The following EMX1 variants were observed in gnomAD, a reference collection of about 807,000 sequenced individuals.
EMX1 encodes the protein homeobox protein EMX1.
In EMX1, 10 loss-of-function variants were observed where a neutral mutation model predicts 20.1. The ratio of observed to expected loss-of-function variants is 0.50; its 90% CI spans 0.31 to 0.84. The LOEUF is 0.84. EMX1 is among the 40% of genes least tolerant of loss of function. EMX1 has a pLI of 0.05. For missense variants in EMX1, 424 were observed against 431.9 expected, an observed-to-expected ratio of 0.98 and a Z score of 0.16; for synonymous variants, 250 against 200.4, an observed-to-expected ratio of 1.25 and a Z score of -2.09.
chr2:72,921,435 GA>G (rs1432845259), intron 1 of EMX1, among the ~76,000 whole-genome samples: 1 of 152,178 alleles, frequency 6.6e-6, no homozygotes, highest in Admixed American at 6.5e-5. Context: ...AAGGGAAACT[GA>G]ACCCCTGGTA....
At position 72,918,117 on chromosome 2, in the gene EMX1, A is replaced by G. The variant is rs1198004251; in HGVS notation, c.265A>G (p.Ser89Gly). The change falls in exon 1 of 3, where the codon AGC becomes GGC. Residue 89 changes from serine to glycine, a missense_variant. By Grantham distance (56) the Ser-to-Gly change is moderately conservative (BLOSUM62 0). Coordinates refer to ENST00000258106, the MANE Select transcript of EMX1 (RefSeq NM_004097.3). ...CACGGCGCTCAACTACCCTCACCCC[A>G]GCGCGGCCGAGGCGGCCTTCGTGAG... ...RPTALNYPHP[S>G]AAEAAFVSGF... 1 of 1,478,602 alleles carries G rather than the reference A, an allele frequency of 6.8e-7. No homozygotes were observed. The highest frequency in any genetic ancestry group is 8.9e-7 in the Non-Finnish European group (1 of 1,125,824). The allele number at this position is 1,478,602 out of a possible 1,614,324, so 91.6% of individuals were successfully genotyped here.
At chr2:72,925,520 C>T (rs766802519) in intron 2 of EMX1, 1 of 1,288,690 alleles carries the variant, frequency 7.8e-7, no homozygotes, top group Non-Finnish European at 1.0e-6. Flanking sequence ...GCGTGCCGGC[C>T]GGCTCCCAGA....
chr2:72,928,092 G>C (rs1343216354), intron 2 of EMX1, among the ~76,000 whole-genome samples: 1 of 152,220 alleles, frequency 6.6e-6, no homozygotes, highest in African/African-American at 2.4e-5. Flanking sequence ...GGCAACCTGG[G>C]TGACTCTGTG....
rs1311843510 is a variant in EMX1, at chr2:72,931,373, G to A, written c.706-2414G>A. On this transcript the variant is annotated intron_variant, in intron 2 of 2. Coordinates refer to ENST00000258106, the MANE Select transcript of EMX1 (RefSeq NM_004097.3). ...TGTGGAAAGAGGAAGGTACAGAAAA[G>A]GGCCCCCGGTCCCTGGTACTGCCCG... Among the ~76,000 whole-genome samples, 6 of 152,352 alleles carry A rather than the reference G, an allele frequency of 3.9e-5. No individual in the cohort carries two copies. In the East Asian group the frequency reaches 1.2e-3, roughly 29 times the overall value.
intron 1 of EMX1, among the ~76,000 whole-genome samples, chr2:72,922,005 A>G (rs1671111918): frequency 6.6e-6 from 1 of 152,234 alleles, no homozygotes; most frequent in Admixed American, 6.5e-5. Context: ...CAGACTGCAG[A>G]CCTGCTTCCT....
chr2:72,916,661 G>A, upstream of EMX1: 1 of 713,588 alleles, frequency 1.4e-6, no homozygotes, highest in Non-Finnish European at 2.6e-6. Context: ...TGCGTGTCCT[G>A]ACGGCTGGCG....
At chr2:72,932,204 G>A (rs1671297901) in intron 2 of EMX1, among the ~76,000 whole-genome samples, 1 of 152,188 alleles carries the variant, frequency 6.6e-6, no homozygotes, top group African/African-American at 2.4e-5. Flanking sequence ...ACTCTGCCAC[G>A]CAGCACCGTC....
At chr2:72,924,005 G>A in intron 1 of EMX1, 2 of 524,564 alleles carry the variant, frequency 3.8e-6, no homozygotes, top group African/African-American at 2.2e-5. Context: ...GTGAATGTGG[G>A]TCCACGCCTC....
upstream of EMX1, chr2:72,916,639 T>G: frequency 1.4e-6 from 1 of 699,048 alleles, no homozygotes; most frequent in Non-Finnish European, 2.7e-6. Flanking sequence ...TCGAGGGAGG[T>G]CAGGCTGCTT....
At chr2:72,918,838 C>G (rs990348735) in intron 1 of EMX1, among the ~76,000 whole-genome samples, 15 of 152,194 alleles carry the variant, frequency 9.9e-5, no homozygotes, top group African/African-American at 3.6e-4. Context: ...ATTCGCGTGC[C>G]CCAGCTCTGG....
intron 1 of EMX1, among the ~76,000 whole-genome samples, chr2:72,920,677 T>C (rs1191090754): frequency 6.6e-6 from 1 of 152,220 alleles, no homozygotes; most frequent in Non-Finnish European, 1.5e-5. Flanking sequence ...TGCGCAGCGC[T>C]TGGGCGGCGC....
At chr2:72,926,924 G>A (rs992701668) in intron 2 of EMX1, among the ~76,000 whole-genome samples, 24 of 152,216 alleles carry the variant, frequency 1.6e-4, no homozygotes, top group African/African-American at 5.8e-4. Context: ...GTACTTACCA[G>A]GCAAGCTTAC....
In EMX1 at chr2:72,925,708, G is replaced by A. The variant is rs149381383; in HGVS notation, c.705+1215G>A. On this transcript the variant is annotated intron_variant, in intron 2 of 2. Coordinates refer to ENST00000258106, the MANE Select transcript of EMX1 (RefSeq NM_004097.3). The stretch of plus-strand genomic sequence containing the variant: ...AGCCTCCCTTTAGCAGCCAGAGTAG[G>A]AAGGGGGCTTAGTGAGGGAGCCCAG... 1,827 of 985,464 alleles carry A rather than the reference G, an allele frequency of 1.9e-3. 1 individual carries two copies. Among genetic ancestry groups the A allele is most frequent in the Non-Finnish European group, 2.1e-3 (1,739 of 829,944 alleles). 61.0% of individuals were successfully genotyped at this position (985,464 alleles called of 1,614,324 possible).
At chr2:72,922,438 TCTC>T (rs1671120738) in intron 1 of EMX1, among the ~76,000 whole-genome samples, 4 of 152,050 alleles carry the variant, frequency 2.6e-5, no homozygotes, top group Non-Finnish European at 4.4e-5. Context: ...AAGTCAAACT[TCTC>T]TTCAGTCGGA....
In EMX1 at chr2:72,918,347, C is replaced by T. The variant is rs1487538227; in HGVS notation, c.495C>T (p.Asn165=). ...ATTTCTACCCCTGGGTCCTGCGGAACCGCTTCTTCGGCCACCGCTTCCAGG... is the reference window on the plus strand; with the variant it reads ...ATTTCTACCCCTGGGTCCTGCGGAATCGCTTCTTCGGCCACCGCTTCCAGG... ...PLHFYPWVLR[N]RFFGHRFQAS... The change falls in exon 1 of 3, where the codon AAC becomes AAT. Residue 165 remains asparagine, a synonymous_variant. Transcript: ENST00000258106. 15 of 1,499,704 alleles carry T rather than the reference C, an allele frequency of 1.0e-5. No individual in the cohort carries two copies. Among genetic ancestry groups the T allele is most frequent in the African/African-American group, 5.8e-5 (4 of 68,894 alleles). The allele number at this position is 1,499,704 out of a possible 1,614,324, so 92.9% of individuals were successfully genotyped here.
chr2:72,923,159 C>G (rs1226320248), intron 1 of EMX1, among the ~76,000 whole-genome samples: 2 of 152,174 alleles, frequency 1.3e-5, no homozygotes, highest in African/African-American at 4.8e-5. Context: ...CCCATCTCCC[C>G]TACCCCAGCT....
rs761265779 is a variant in EMX1 at position 72,926,199 on chromosome 2, A to G, written c.705+1706A>G. On this transcript the variant is annotated intron_variant, in intron 2 of 2. Coordinates refer to ENST00000258106, the MANE Select transcript of EMX1 (RefSeq NM_004097.3). ...ATAATGTCATTGTTTTTAAACTTTC[A>G]ATTTTTTAGCTCAGTGAGAGCATTT... 9.7e-5 allele frequency: 96 copies of G among 985,362 alleles called. No homozygotes were observed. The Middle Eastern group carries it at 2.1e-3, about 21-fold the overall frequency. The allele number at this position is 985,362 out of a possible 1,614,324, so 61.0% of individuals were successfully genotyped here. A position where few individuals can be genotyped will look rare whatever the true frequency, so the allele number is the denominator to read the frequency against.
chr2:72,926,191 A>G, intron 2 of EMX1: 1 of 985,386 alleles, frequency 1.0e-6, no homozygotes, highest in Non-Finnish European at 1.2e-6. Context: ...CATTGTTTTT[A>G]AACTTTCAAT....
chr2:72,920,105 C>G (rs1322999223), intron 1 of EMX1, among the ~76,000 whole-genome samples: 1 of 152,194 alleles, frequency 6.6e-6, no homozygotes, highest in East Asian at 1.9e-4. Context: ...GAGTCGGCAT[C>G]CTGGGCCGCA....
Sources: gnomAD v4.1 joint callset for allele counts (sites outside exome capture counted in the v4.1 genomes callset) on GRCh38, gnomAD v4.1.1 for gene constraint, MANE v1.5 for transcripts, NCBI Gene and HGNC (gene_info 2026-07-23, HGNC 2026-07-21) for gene names.